Variants in MLLT3 observed in about 807,000 individuals in gnomAD.
The protein encoded by MLLT3 is protein AF-9.
A neutral mutation model predicts 53.2 loss-of-function variants in MLLT3; 4 were observed. That is an observed-to-expected ratio of 0.08 (90% CI 0.04 to 0.17). The LOEUF is 0.17. Ranked by LOEUF, MLLT3 falls within the 10% of genes least tolerant of loss-of-function variation. MLLT3 has a pLI of 1.00. For missense variants in MLLT3, 569 were observed against 684.0 expected, an observed-to-expected ratio of 0.83 and a Z score of 1.87; for synonymous variants, 283 against 230.6, an observed-to-expected ratio of 1.23 and a Z score of -2.06.
intron 5 of MLLT3, among the ~76,000 whole-genome samples, chr9:20,367,396 T>G (rs1235898607): frequency 1.3e-5 from 2 of 152,238 alleles, no homozygotes; most frequent in Non-Finnish European, 2.9e-5. Context: ...GGGTCTGTCT[T>G]GTGCTTCTTG....
At chr9:20,553,610 T>C (rs905356035) in intron 2 of MLLT3, among the ~76,000 whole-genome samples, 2 of 152,216 alleles carry the variant, frequency 1.3e-5, no homozygotes, top group African/African-American at 4.8e-5. Context: ...TCTACTGAAA[T>C]AGAGTTTATC....
intron 5 of MLLT3, among the ~76,000 whole-genome samples, chr9:20,399,870 T>C (rs1197915501): frequency 6.6e-6 from 1 of 152,160 alleles, no homozygotes; most frequent in East Asian, 1.9e-4. Flanking sequence ...TTTACTTTTC[T>C]ATACAAACTA....
chr9:20,564,834 T>C (rs182824547), intron 2 of MLLT3, among the ~76,000 whole-genome samples: 1 of 151,656 alleles, frequency 6.6e-6, no homozygotes. Flanking sequence ...TCTGAACCAA[T>C]GTGAAAACCT....
intron 5 of MLLT3, chr9:20,410,732 A>T (rs1425968945): frequency 2.0e-5 from 3 of 152,148 alleles, no homozygotes; most frequent in Non-Finnish European, 4.4e-5. Flanking sequence ...AATACTACTG[A>T]CATTTTTATA....
At chr9:20,538,798 T>C (rs1470506961) in intron 2 of MLLT3, among the ~76,000 whole-genome samples, 2 of 152,248 alleles carry the variant, frequency 1.3e-5, no homozygotes, top group Admixed American at 6.5e-5. Context: ...AGAGATATTG[T>C]GGATTCAGTT....
At chr9:20,578,225 A>C (rs1260779932) in intron 2 of MLLT3, among the ~76,000 whole-genome samples, 2 of 152,176 alleles carry the variant, frequency 1.3e-5, no homozygotes, top group East Asian at 3.8e-4. Flanking sequence ...TGCTAGATAA[A>C]CTCAAAAGAA....
intron 2 of MLLT3, among the ~76,000 whole-genome samples, chr9:20,495,314 C>A (rs533096879): frequency 2.0e-5 from 3 of 152,274 alleles, no homozygotes; most frequent in African/African-American, 7.2e-5. Context: ...CTCAGACTCC[C>A]CACTGCGACC....
chr9:20,347,749 G>C (rs997227909), intron 10 of MLLT3, among the ~76,000 whole-genome samples: 16 of 152,110 alleles, frequency 1.1e-4, no homozygotes, highest in African/African-American at 3.6e-4. Context: ...ACTTCTACCT[G>C]ATTTGAGTTG....
intron 2 of MLLT3, among the ~76,000 whole-genome samples, chr9:20,469,722 A>AG (rs1824334048): frequency 7.9e-6 from 1 of 126,028 alleles, no homozygotes; most frequent in South Asian, 2.8e-4. Flanking sequence ...CGGTGCAATC[A>AG]GGAAAAAAAA....
At chr9:20,355,115 A>AAAC (rs1821139636) in intron 8 of MLLT3, among the ~76,000 whole-genome samples, 1 of 151,744 alleles carries the variant, frequency 6.6e-6, no homozygotes, top group African/African-American at 2.4e-5. Flanking sequence ...AAAAAAAAAA[A>AAAC]AACAACACAG....
At chr9:20,372,075 G>C (rs956359574) in intron 5 of MLLT3, among the ~76,000 whole-genome samples, 1 of 152,180 alleles carries the variant, frequency 6.6e-6, no homozygotes, top group Non-Finnish European at 1.5e-5. Flanking sequence ...ACTAGAATTA[G>C]AAGTGGAGTC....
intron 2 of MLLT3, among the ~76,000 whole-genome samples, chr9:20,604,850 A>T (rs1051782243): frequency 6.6e-6 from 1 of 152,150 alleles, no homozygotes; most frequent in Non-Finnish European, 1.5e-5. Flanking sequence ...TTGACAAGCT[A>T]ATTTTTAACA....
chr9:20,348,796 A>G (rs895953306), intron 10 of MLLT3, among the ~76,000 whole-genome samples: 37 of 152,226 alleles, frequency 2.4e-4, no homozygotes, highest in African/African-American at 8.4e-4. Context: ...AGTTATTAGT[A>G]ACAGAACTTT....
chr9:20,408,083 A>G (rs138059764), intron 5 of MLLT3, among the ~76,000 whole-genome samples: 1 of 152,340 alleles, frequency 6.6e-6, no homozygotes, highest in East Asian at 1.9e-4. Context: ...TTCTGGCTCA[A>G]TACATGTCAG....
chr9:20,569,539 A>T (rs762006209), intron 2 of MLLT3, among the ~76,000 whole-genome samples: 7 of 152,168 alleles, frequency 4.6e-5, no homozygotes, highest in Non-Finnish European at 1.0e-4. Context: ...TGTTAGAAAG[A>T]CTACACAGAA....
At chr9:20,509,847 G>C (rs1563793526) in intron 2 of MLLT3, among the ~76,000 whole-genome samples, 3 of 150,900 alleles carry the variant, frequency 2.0e-5, no homozygotes, top group Non-Finnish European at 4.4e-5. Flanking sequence ...TCAGAGCACA[G>C]TATAATGATC....
intron 2 of MLLT3, among the ~76,000 whole-genome samples, chr9:20,486,377 G>C (rs1456483873): frequency 1.3e-5 from 2 of 152,026 alleles, no homozygotes; most frequent in Non-Finnish European, 2.9e-5. Context: ...ACTTTACTGA[G>C]AGATATAAAA....
At position 20,621,907 on chromosome 9, in the gene MLLT3, GT is replaced by G; in HGVS notation, c.12+337del. ...TATTATTCGCCTCCTTCCACCGTGT[GT>G]GTGTGTGTGTGTGAGTGCGCGCGTG... On this transcript the variant is annotated intron_variant, in intron 1 of 10. Coordinates refer to ENST00000380338, the MANE Select transcript of MLLT3 (RefSeq NM_004529.4). This position sits in a 1 kb window ranked among gnomAD's most constrained non-coding sequence, Gnocchi z 7.0. 7.3e-7 allele frequency: 1 copy of G among 1,363,906 alleles called. No individual in the cohort carries two copies. The highest frequency in any genetic ancestry group is 3.7e-5 in the Admixed American group (1 of 27,242). The allele number at this position is 1,363,906 out of a possible 1,614,324, so 84.5% of individuals were successfully genotyped here.
In MLLT3 at chr9:20,524,492, A is replaced by G. The variant is rs116043715; in HGVS notation, c.194-67706T>C. Among the ~76,000 whole-genome samples, 727 of 152,080 alleles carry G rather than the reference A, an allele frequency of 4.8e-3. 4 individuals are homozygous for G. Among genetic ancestry groups the G allele is most frequent in the African/African-American group, 0.015 (641 of 41,398 alleles). ...CTTCCATACTTTTTAAAGCAGAGAA[A>G]AGGAATAACGGTGACTAACGAAAAA... is the stretch of plus-strand genomic sequence containing the variant. On this transcript the variant is annotated intron_variant, in intron 2 of 10. Transcript: ENST00000380338.
Sources: allele counts gnomAD v4.1 joint callset (sites outside exome capture counted in the v4.1 genomes callset), GRCh38; gene constraint gnomAD v4.1.1; non-coding constraint Gnocchi (gnomAD v3.1); transcripts MANE v1.5; gene names NCBI Gene and HGNC (gene_info 2026-07-23, HGNC 2026-07-21).